The following PDE10A variants were observed in gnomAD, a reference collection of about 807,000 sequenced individuals.
The protein encoded by PDE10A is phosphodiesterase 10A, also known as cAMP and cAMP-inhibited cGMP 3',5'-cyclic phosphodiesterase 10A.
PDE10A carries 39 observed loss-of-function variants against 97.7 expected under a neutral mutation model. The observed-to-expected ratio is 0.40, with a 90% confidence interval of 0.31 to 0.52. PDE10A has a LOEUF of 0.52. Among genes scored for constraint, PDE10A ranks in the 20% least tolerant of loss-of-function variants. The probability of loss-of-function intolerance (pLI) is 0.56; values close to 1 mark genes in which losing one functional copy is unlikely to be tolerated. For missense variants in PDE10A, 731 were observed against 1,047.8 expected (o/e 0.70, Z 4.17); for synonymous variants, 371 against 376.8 (o/e 0.98, Z 0.18).
chr6:165,771,652 GAT>G (rs1491275614), intron 1 of PDE10A, among the ~76,000 whole-genome samples: 11 of 19,760 alleles, frequency 5.6e-4, no homozygotes, highest in African/African-American at 1.4e-3. Flanking sequence ...AGTTTAACAA[GAT>G]AAAAAAAAAA....
intron 9 of PDE10A, among the ~76,000 whole-genome samples, chr6:165,429,738 C>A (rs1789421394): frequency 6.6e-6 from 1 of 151,922 alleles, no homozygotes. Context: ...GTAAATAAAA[C>A]CAATAAAAAT....
chr6:165,556,101 T>C (rs1048565234), intron 1 of PDE10A, among the ~76,000 whole-genome samples: 3 of 152,246 alleles, frequency 2.0e-5, no homozygotes, highest in Non-Finnish European at 2.9e-5. Context: ...AATAAACTTA[T>C]GTTATTGATA....
At chr6:165,738,600 A>T (rs1792641732) in intron 1 of PDE10A, among the ~76,000 whole-genome samples, 1 of 151,864 alleles carries the variant, frequency 6.6e-6, no homozygotes, top group Admixed American at 6.6e-5. Flanking sequence ...TGACTTCCAC[A>T]ATGGTTGAAC....
intron 3 of PDE10A, among the ~76,000 whole-genome samples, chr6:165,460,127 G>A (rs866876083): frequency 2.0e-5 from 3 of 152,192 alleles, no homozygotes; most frequent in Non-Finnish European, 2.9e-5. Context: ...AGCCGGTAGT[G>A]CCGCAGTAGA....
At chr6:165,438,467 C>T (rs1461180594) in intron 5 of PDE10A, among the ~76,000 whole-genome samples, 1 of 152,186 alleles carries the variant, frequency 6.6e-6, no homozygotes, top group Non-Finnish European at 1.5e-5. Flanking sequence ...GGATTACAGG[C>T]GTGAGCCACT....
At chr6:165,520,458 A>G (rs1327183003) in intron 2 of PDE10A, among the ~76,000 whole-genome samples, 1 of 152,134 alleles carries the variant, frequency 6.6e-6, no homozygotes, top group Non-Finnish European at 1.5e-5. Context: ...TGACAGTTTG[A>G]ACAAATTCCA....
chr6:165,359,780 T>C (rs375393389), intron 18 of PDE10A, among the ~76,000 whole-genome samples: 1 of 151,900 alleles, frequency 6.6e-6, no homozygotes, highest in Non-Finnish European at 1.5e-5. Flanking sequence ...GTGGGCTATA[T>C]GTAACATCTG....
chr6:165,625,337 G>A (rs1291007806), intron 1 of PDE10A, among the ~76,000 whole-genome samples: 2 of 152,220 alleles, frequency 1.3e-5, no homozygotes, highest in South Asian at 2.1e-4. Context: ...AGTGCAGGTG[G>A]CAAAAAGTGG....
At chr6:165,744,145 T>C (rs1792792610) in intron 1 of PDE10A, among the ~76,000 whole-genome samples, 1 of 152,240 alleles carries the variant, frequency 6.6e-6, no homozygotes. Context: ...AGATGCTAGA[T>C]TAATTACATA....
rs12662757 is a variant in PDE10A at position 165,982,396 on chromosome 6, T to C, written c.-615+5133A>G. On this transcript the variant is annotated intron_variant, in intron 1 of 19. Transcript: ENST00000366882. Reference sequence around the variant, plus strand: ...TCATGAGATTAATTTAATGTAATAATATACCACTTACGTAATTTCCTAACC... The same window carrying C: ...TCATGAGATTAATTTAATGTAATAACATACCACTTACGTAATTTCCTAACC... 9.7e-4 allele frequency among the ~76,000 whole-genome samples: 148 copies of C among 152,312 alleles called. 3 individuals are homozygous for C. In the East Asian group the frequency reaches 0.028, roughly 29 times the overall value.
intron 1 of PDE10A, among the ~76,000 whole-genome samples, chr6:165,690,281 T>A (rs780217991): frequency 6.6e-5 from 10 of 152,232 alleles, no homozygotes; most frequent in Non-Finnish European, 1.0e-4. Flanking sequence ...TCCCATGGTC[T>A]CCACTCCAGT....
chr6:165,786,183 G>A (rs1277953080), intron 1 of PDE10A, among the ~76,000 whole-genome samples: 2 of 152,182 alleles, frequency 1.3e-5, no homozygotes, highest in East Asian at 3.9e-4. Flanking sequence ...GCGCACATCT[G>A]ATGGGACTGA....
At chr6:165,501,094 T>C (rs571676546) in intron 2 of PDE10A, among the ~76,000 whole-genome samples, 105 of 152,238 alleles carry the variant, frequency 6.9e-4, no homozygotes, top group Middle Eastern at 3.4e-3. Context: ...TCAGAGACCA[T>C]TGCCGGCTCG....
intron 2 of PDE10A, among the ~76,000 whole-genome samples, chr6:165,527,744 G>A (rs1166256905): frequency 6.6e-6 from 1 of 152,228 alleles, no homozygotes; most frequent in Non-Finnish European, 1.5e-5. Flanking sequence ...GAAGGCACAA[G>A]TAAGTTACAT....
At chr6:165,794,310 TCA>T (rs915824757) in intron 1 of PDE10A, among the ~76,000 whole-genome samples, 6 of 148,400 alleles carry the variant, frequency 4.0e-5, no homozygotes, top group African/African-American at 1.5e-4. Flanking sequence ...TCACACACGC[TCA>T]CACATACTCA....
At chr6:165,840,910 C>A (rs1780240829) in intron 1 of PDE10A, among the ~76,000 whole-genome samples, 2 of 152,238 alleles carry the variant, frequency 1.3e-5, no homozygotes, top group Non-Finnish European at 2.9e-5. Context: ...TGCCTGGGGG[C>A]TCAGCACCCC....
intron 18 of PDE10A, among the ~76,000 whole-genome samples, chr6:165,362,444 A>C (rs1262130166): frequency 6.6e-6 from 1 of 152,242 alleles, no homozygotes; most frequent in Non-Finnish European, 1.5e-5. Flanking sequence ...GTATGCCAAT[A>C]AAGTAGACAA....
chr6:165,386,729 G>A (rs566812047), intron 17 of PDE10A, among the ~76,000 whole-genome samples: 46 of 152,000 alleles, frequency 3.0e-4, no homozygotes, highest in Non-Finnish European at 5.4e-4. Context: ...GCAGCCAGGC[G>A]CGGTGGCTCA....
intron 1 of PDE10A, among the ~76,000 whole-genome samples, chr6:165,912,343 T>G (rs1782486996): frequency 6.6e-6 from 1 of 152,158 alleles, no homozygotes; most frequent in East Asian, 1.9e-4. Context: ...TATCAGTAAC[T>G]CCCACATTAA....
Sources: gnomAD v4.1 joint callset for allele counts (sites outside exome capture counted in the v4.1 genomes callset) on GRCh38, gnomAD v4.1.1 for gene constraint, MANE v1.5 for transcripts, NCBI Gene and HGNC (gene_info 2026-07-23, HGNC 2026-07-21) for gene names.